CDH12: variants seen among roughly 807,000 people sequenced by gnomAD.
CDH12 encodes cadherin 12, also known as cadherin-12.
CDH12 carries 41 observed loss-of-function variants against 74.1 expected under a neutral mutation model. That is an observed-to-expected ratio of 0.55 (90% CI 0.43 to 0.72). CDH12 has a LOEUF of 0.72. CDH12 is among the 30% of genes least tolerant of loss of function. CDH12 has a pLI of 0.00. For missense variants in CDH12, 945 were observed against 977.2 expected, an observed-to-expected ratio of 0.97 and a Z score of 0.44; for synonymous variants, 399 against 355.0, an observed-to-expected ratio of 1.12 and a Z score of -1.39.
intron 1 of CDH12, among the ~76,000 whole-genome samples, chr5:22,572,039 G>A (rs1218650839): frequency 6.6e-6 from 1 of 152,124 alleles, no homozygotes; most frequent in Non-Finnish European, 1.5e-5. Flanking sequence ...ATGTAGGGTT[G>A]TCACAAACCT....
chr5:22,092,289 T>A (rs749583314), intron 4 of CDH12, among the ~76,000 whole-genome samples: 17 of 152,058 alleles, frequency 1.1e-4, no homozygotes, highest in Non-Finnish European at 2.4e-4. Flanking sequence ...AAATTAGCAA[T>A]TTCTTGCTTC....
intron 1 of CDH12, among the ~76,000 whole-genome samples, chr5:22,653,633 TCCTAA>T (rs1739857370): frequency 6.6e-6 from 1 of 152,130 alleles, no homozygotes. Context: ...AGCAATAGTC[TCCTAA>T]CATAGCGGCC....
intron 5 of CDH12, among the ~76,000 whole-genome samples, chr5:22,004,972 G>A (rs746577149): frequency 5.3e-5 from 8 of 152,154 alleles, no homozygotes; most frequent in East Asian, 3.9e-4. Context: ...CAAAACACAC[G>A]ATTTTATTCT....
At position 22,696,193 on chromosome 5, in the gene CDH12, C is replaced by T. The variant is rs111915948; in HGVS notation, c.-523+156865G>A. On this transcript the variant is annotated intron_variant, in intron 1 of 14. Coordinates refer to ENST00000382254, the MANE Select transcript of CDH12 (RefSeq NM_004061.5). ...ACCATCCTGGCTAACACAATGAAAC[C>T]CACGTCTCTACTGAAAAATACAAAA... 7.5e-3 allele frequency among the ~76,000 whole-genome samples: 1,137 copies of T among 151,838 alleles called. 17 individuals are homozygous for T. The highest frequency in any genetic ancestry group is 0.026 in the African/African-American group (1,095 of 41,374).
At chr5:21,903,005 T>C (rs2150055851) in intron 6 of CDH12, among the ~76,000 whole-genome samples, 2 of 152,238 alleles carry the variant, frequency 1.3e-5, no homozygotes, top group African/African-American at 4.8e-5. Context: ...AAGACGCTAA[T>C]GATAATATTT....
intron 6 of CDH12, among the ~76,000 whole-genome samples, chr5:21,947,930 A>T (rs116236304): frequency 0.034 from 5,145 of 152,288 alleles, 103 homozygotes; most frequent in South Asian, 0.043. Context: ...AAAGGAGACA[A>T]TGTACAGCTC....
chr5:22,644,035 T>C (rs268982), intron 1 of CDH12, among the ~76,000 whole-genome samples: 82,035 of 151,640 alleles, frequency 0.54, 22,438 homozygotes, highest in East Asian at 0.69. Context: ...CTTCTCCCTG[T>C]TCTAACCACA....
At chr5:22,352,263 A>G (rs534296475) in intron 3 of CDH12, among the ~76,000 whole-genome samples, 75 of 152,072 alleles carry the variant, frequency 4.9e-4, no homozygotes, top group African/African-American at 1.7e-3. Context: ...ATTCTTGTCT[A>G]CTAGTGTTTT....
At chr5:21,768,260 T>A (rs1241089870) in intron 11 of CDH12, among the ~76,000 whole-genome samples, 4 of 151,808 alleles carry the variant, frequency 2.6e-5, no homozygotes, top group African/African-American at 9.7e-5. Context: ...TCATATCAGA[T>A]AACAAATAAA....
chr5:22,419,185 C>T (rs2940568), intron 2 of CDH12, among the ~76,000 whole-genome samples: 35,120 of 151,910 alleles, frequency 0.23, 4,984 homozygotes, highest in African/African-American at 0.39. Context: ...ATGGGCAGGA[C>T]GTGCAAGTTT....
chr5:22,197,812 C>G (rs1580389293), intron 4 of CDH12, among the ~76,000 whole-genome samples: 1 of 152,154 alleles, frequency 6.6e-6, no homozygotes, highest in African/African-American at 2.4e-5. Context: ...TTTATAAAGT[C>G]TCTCAAAAAG....
At chr5:22,665,819 T>G (rs1740584947) in intron 1 of CDH12, among the ~76,000 whole-genome samples, 1 of 152,208 alleles carries the variant, frequency 6.6e-6, no homozygotes, top group African/African-American at 2.4e-5. Context: ...AACAGTGCTA[T>G]CTTTCAGAAA....
intron 1 of CDH12, among the ~76,000 whole-genome samples, chr5:22,594,961 T>C (rs1419713328): frequency 1.3e-5 from 2 of 152,176 alleles, no homozygotes; most frequent in Non-Finnish European, 2.9e-5. Flanking sequence ...TTTCAGTTAT[T>C]CAGAACATAA....
chr5:22,647,175 A>C (rs1739478366), intron 1 of CDH12, among the ~76,000 whole-genome samples: 1 of 151,710 alleles, frequency 6.6e-6, no homozygotes, highest in Admixed American at 6.6e-5. Flanking sequence ...AACACATCCC[A>C]CAATGTGCAA....
intron 1 of CDH12, among the ~76,000 whole-genome samples, chr5:22,696,439 C>G (rs1342551517): frequency 1.3e-5 from 2 of 151,158 alleles, no homozygotes; most frequent in African/African-American, 4.9e-5. Flanking sequence ...CTTAAAATAC[C>G]ATATTGACTT....
intron 4 of CDH12, among the ~76,000 whole-genome samples, chr5:22,154,936 C>A (rs1747927897): frequency 6.6e-6 from 1 of 152,036 alleles, no homozygotes; most frequent in Non-Finnish European, 1.5e-5. Flanking sequence ...AAGATTGGCT[C>A]AAAGGCCCCT....
At chr5:22,402,356 A>G (rs1035487669) in intron 3 of CDH12, among the ~76,000 whole-genome samples, 1 of 152,238 alleles carries the variant, frequency 6.6e-6, no homozygotes. Flanking sequence ...CAAACATTAA[A>G]GATCTTTCTG....
intron 8 of CDH12, 136 bp from the exon 9 acceptor site, chr5:21,817,268 G>T: frequency 1.8e-6 from 1 of 550,438 alleles, no homozygotes; most frequent in South Asian, 2.9e-5. Context: ...AAGGCAATTT[G>T]CTGTCAAGTT....
intron 1 of CDH12, among the ~76,000 whole-genome samples, chr5:22,775,676 GAGA>G (rs1157850292): frequency 6.6e-6 from 1 of 152,064 alleles, no homozygotes; most frequent in African/African-American, 2.4e-5. Flanking sequence ...AAGTTGGAAA[GAGA>G]AGGTGAACTG....
Sources: gnomAD v4.1 joint callset for allele counts (sites outside exome capture counted in the v4.1 genomes callset) on GRCh38, gnomAD v4.1.1 for gene constraint, MANE v1.5 for transcripts, NCBI Gene and HGNC (gene_info 2026-07-23, HGNC 2026-07-21) for gene names.